Variants in NGEF observed in about 807,000 individuals in gnomAD.
The protein encoded by NGEF is neuronal guanine nucleotide exchange factor, also known as ephexin-1.
A neutral mutation model predicts 80.9 loss-of-function variants in NGEF; 31 were observed. The ratio of observed to expected loss-of-function variants is 0.38; its 90% CI spans 0.29 to 0.52. NGEF has a LOEUF of 0.52. Ranked by LOEUF, NGEF falls within the 20% of genes least tolerant of loss-of-function variation. The pLI is 0.84. For missense variants in NGEF, 709 were observed against 926.2 expected, an observed-to-expected ratio of 0.77 and a Z score of 3.04; for synonymous variants, 371 against 370.2, an observed-to-expected ratio of 1.00 and a Z score of -0.03.
chr2:232,978,449 A>C (rs1018862662), intron 1 of NGEF, among the ~76,000 whole-genome samples: 2 of 152,218 alleles, frequency 1.3e-5, no homozygotes, highest in African/African-American at 4.8e-5. Context: ...GGGAAGGCAT[A>C]GGTTGCAGTG....
intron 3 of NGEF, among the ~76,000 whole-genome samples, chr2:232,949,835 A>G (rs1398301033): frequency 9.9e-5 from 12 of 121,058 alleles, no homozygotes; most frequent in African/African-American, 3.8e-4. Flanking sequence ...TTTTTAGATG[A>G]AGTCTCACTC....
Position 232,995,572 on chromosome 2 carries a change from A to ATACTG in NGEF, c.-75+17495_-75+17496insCAGTA, listed in dbSNP as rs1694812350. ...ATACTATATACAGTATGTATACTGTATATATATATACAGTATGTATACTGT... is the reference window on the plus strand; with the variant it reads ...ATACTATATACAGTATGTATACTGTATACTGTATATATATACAGTATGTATACTGT... On this transcript the variant is annotated intron_variant, in intron 1 of 14. Coordinates refer to ENST00000264051, the MANE Select transcript of NGEF (RefSeq NM_019850.3). Among the ~76,000 whole-genome samples the ATACTG allele has an allele frequency of 4.5e-3, 5 of 1,122 alleles. 1 individual carries two copies. The highest frequency in any genetic ancestry group is 0.011 in the African/African-American group (5 of 450). 0.7% of individuals were successfully genotyped at this position (1,122 alleles called of 152,430 possible).
chr2:232,894,446 C>T lies in NGEF; in HGVS notation c.989+310G>A, dbSNP rs562253414. ...GCCTGGTTTAAACCTGTCCAACCAC[C>T]GGTTTGATGCATGAGAGAGCTGGAC... On this transcript the variant is annotated intron_variant, in intron 6 of 14. Coordinates refer to ENST00000264051, the MANE Select transcript of NGEF (RefSeq NM_019850.3). Among the ~76,000 whole-genome samples the T allele has an allele frequency of 4.6e-5, 7 of 152,304 alleles. No homozygotes were observed. In the East Asian group the frequency reaches 9.7e-4, roughly 21 times the overall value.
chr2:232,944,757 ATATATC>A (rs1025237877), intron 3 of NGEF, among the ~76,000 whole-genome samples: 2 of 128,190 alleles, frequency 1.6e-5, no homozygotes, highest in African/African-American at 6.9e-5. Context: ...ATATATATAT[ATATATC>A]TTTTTGGAGA....
At chr2:232,951,598 C>G (rs1426523759) in intron 3 of NGEF, among the ~76,000 whole-genome samples, 1 of 152,152 alleles carries the variant, frequency 6.6e-6, no homozygotes, top group East Asian at 1.9e-4. Flanking sequence ...CGCCAATTAC[C>G]CATGTCAGAG....
At chr2:232,895,457 G>A (rs1692025367) in intron 5 of NGEF, among the ~76,000 whole-genome samples, 1 of 151,678 alleles carries the variant, frequency 6.6e-6, no homozygotes. Context: ...AACCTGGGAG[G>A]CAGAGGTTGC....
chr2:232,936,135 C>A (rs2106292752), intron 3 of NGEF, among the ~76,000 whole-genome samples: 1 of 152,206 alleles, frequency 6.6e-6, no homozygotes, highest in East Asian at 1.9e-4. Context: ...AGTGAGATAC[C>A]CAGAAACCCA....
At chr2:232,890,647 ACT>A (rs1157852840) in intron 8 of NGEF, among the ~76,000 whole-genome samples, 1 of 151,172 alleles carries the variant, frequency 6.6e-6, no homozygotes, top group Non-Finnish European at 1.5e-5. Context: ...CCGAGGAATC[ACT>A]CTCAGTCCTT....
chr2:232,882,708 G>A (rs59476577), intron 12 of NGEF, among the ~76,000 whole-genome samples: 80 of 152,294 alleles, frequency 5.3e-4, no homozygotes, highest in African/African-American at 1.9e-3. Flanking sequence ...GGGCAGCTTC[G>A]GGGCCACGAC....
chr2:232,881,681 C>G (rs1355251571), intron 13 of NGEF, among the ~76,000 whole-genome samples: 2 of 152,080 alleles, frequency 1.3e-5, no homozygotes, highest in Admixed American at 1.3e-4. Context: ...ATGCCAGGTT[C>G]AAGGAATTCT....
At chr2:232,996,988 C>G (rs1035574988) in intron 1 of NGEF, among the ~76,000 whole-genome samples, 4 of 152,220 alleles carry the variant, frequency 2.6e-5, no homozygotes, top group African/African-American at 9.7e-5. Flanking sequence ...AGGGTGACCT[C>G]TGACTTCTAA....
intron 1 of NGEF, among the ~76,000 whole-genome samples, chr2:233,005,164 C>T (rs567213680): frequency 6.6e-6 from 1 of 152,258 alleles, no homozygotes; most frequent in South Asian, 2.1e-4. Flanking sequence ...ACATGGATGC[C>T]CCCAATGTGC....
chr2:232,979,546 C>G (rs893626240), intron 1 of NGEF, among the ~76,000 whole-genome samples: 3 of 152,134 alleles, frequency 2.0e-5, no homozygotes, highest in African/African-American at 7.2e-5. Flanking sequence ...AGAAGCTTCC[C>G]CCACCCCAAT....
At chr2:232,958,468 G>A (rs1255152732) in intron 3 of NGEF, among the ~76,000 whole-genome samples, 1 of 152,194 alleles carries the variant, frequency 6.6e-6, no homozygotes, top group African/African-American at 2.4e-5. Context: ...CGGCATGCAT[G>A]CATTTACTCA....
At chr2:232,881,303 C>G in intron 13 of NGEF, 53 bp from the exon 14 acceptor site, 1 of 1,412,084 alleles carries the variant, frequency 7.1e-7, no homozygotes, top group Non-Finnish European at 9.9e-7. Flanking sequence ...CCCACCTGCA[C>G]ACTCCCACCA....
intron 3 of NGEF, among the ~76,000 whole-genome samples, chr2:232,960,658 C>T (rs1419967158): frequency 6.6e-6 from 1 of 152,158 alleles, no homozygotes; most frequent in African/African-American, 2.4e-5. Context: ...GCGGGTGGAT[C>T]ACCTGAGGTC....
In NGEF at chr2:232,974,752, C is replaced by A. The variant is rs752301389; in HGVS notation, c.139G>T (p.Asp47Tyr). 1.1e-4 allele frequency: 173 copies of A among 1,614,104 alleles called. No homozygotes were observed. Among genetic ancestry groups the A allele is most frequent in the Non-Finnish European group, 8.6e-5 (102 of 1,180,056 alleles). Residue 47 changes from aspartate (D) to tyrosine (Y), a missense_variant, in exon 2 of 15, where the codon GAT becomes TAT. Physicochemically the swap from Asp to Tyr is radical, Grantham distance 160. This residue lies in a region of NGEF where 283 missense variants were observed against 303.4 expected (regional missense o/e 0.93). Transcript: ENST00000264051. ...EKEETSQADQ[D>Y]IQDKEPHCHI... ...CAATGAGGCTCTTTGTCTTGGATAT[C>A]CTGGTCAGCTTGAGAAGTCTCCTCT...
chr2:232,974,063 C>T (rs571794566), intron 2 of NGEF, among the ~76,000 whole-genome samples: 1 of 152,202 alleles, frequency 6.6e-6, no homozygotes, highest in Non-Finnish European at 1.5e-5. Context: ...GTCTGTAGCA[C>T]CAACACCCCA....
intron 5 of NGEF, among the ~76,000 whole-genome samples, chr2:232,902,867 G>GTCTGTAA (rs1246156713): frequency 6.6e-6 from 1 of 152,192 alleles, no homozygotes; most frequent in Non-Finnish European, 1.5e-5. Context: ...GGTGGCCGGT[G>GTCTGTAA]TCTGTAATCC....
Sources: gnomAD v4.1 joint callset for allele counts (sites outside exome capture counted in the v4.1 genomes callset) on GRCh38, gnomAD v4.1.1 for gene constraint, gnomAD v4.1.1 regional missense constraint, MANE v1.5 for transcripts, NCBI Gene and HGNC (gene_info 2026-07-23, HGNC 2026-07-21) for gene names.